The following MTERF4 variants were observed in gnomAD, a reference collection of about 807,000 sequenced individuals.
The protein encoded by MTERF4 is mitochondrial transcription termination factor 4.
In MTERF4, 17 loss-of-function variants were observed where a neutral mutation model predicts 22.5. The ratio of observed to expected loss-of-function variants is 0.75; its 90% confidence interval spans 0.52 to 1.13. The LOEUF is 1.13. MTERF4 is among the 50% of genes most tolerant of loss of function. The pLI is 0.00. For missense variants in MTERF4, 420 were observed against 466.8 expected, an observed-to-expected ratio of 0.90 and a Z score of 0.92; for synonymous variants, 165 against 175.3, an observed-to-expected ratio of 0.94 and a Z score of 0.47.
rs2064613495 is a variant in MTERF4 at position 241,099,669 on chromosome 2, TCC to T, written c.245_246del (p.Gly82AspfsTer28). ...TCCAAGGACCCTTGTACCACAGGAG[TCC>T]CCTGCTTCTCAAGGAGGCACTGAAC... ...NLVQCLLEKQGTPVVQGSLEL... is the reference protein window; with the variant it reads ...NLVQCLLEKQXTPVVQGSLEL... On this transcript the variant is annotated frameshift_variant, in exon 2 of 4. Transcript: ENST00000391980. LOFTEE classifies it high-confidence loss of function. 1.2e-6 allele frequency: 2 copies of T among 1,613,960 alleles called. No individual in the cohort carries two copies. The highest frequency in any genetic ancestry group is 3.3e-5 in the Admixed American group (2 of 59,996).
rs1559337337 is a variant in MTERF4, at chr2:241,096,364, C to A, written c.780G>T (p.Lys260Asn). The change falls in exon 4 of 4, where the codon AAG becomes AAT. Residue 260 changes from lysine to asparagine, a missense_variant. Physicochemically the swap from Lys to Asn is moderately conservative, Grantham distance 94 (BLOSUM62 0). Coordinates refer to ENST00000391980, the MANE Select transcript of MTERF4 (RefSeq NM_182501.4). This position sits in a 1 kb window ranked among gnomAD's most constrained non-coding sequence, Gnocchi z 5.1. ...CCAGGTAAATGTGTCTCTGCTTAAT[C>A]TTGGTTAGTGAATACTGCAAGTACT... ...KSEYLQYSLT[K>N]IKQRHIYLER... 1 of 1,614,186 alleles carries A rather than the reference C, an allele frequency of 6.2e-7. No individual in the cohort carries two copies. The highest frequency in any genetic ancestry group is 8.5e-7 in the Non-Finnish European group (1 of 1,180,046).
At chr2:241,062,735 C>G in the MTERF4 span, 1 of 1,190,964 alleles carries the variant, frequency 8.4e-7, no homozygotes, top group African/African-American at 1.5e-5. Context: ...TTATGTGCAT[C>G]TTAATTTGGC....
In MTERF4 at chr2:241,099,497, G is replaced by A. The variant is rs752739362; in HGVS notation, c.419C>T (p.Pro140Leu). Reference protein sequence around the residue: ...EFILLGLNPEPVCVVLKKSPQ... With the variant: ...EFILLGLNPELVCVVLKKSPQ... ...ACTTTTCTTCAAGACCACACACACA[G>A]GCTCTGGATTCAGACCCAAGAGAAT... The change falls in exon 2 of 4, where the codon CCT becomes CTT. Residue 140 changes from proline (P) to leucine (L), a missense_variant. Transcript: ENST00000391980. The A allele has an allele frequency of 1.2e-6, 2 of 1,614,180 alleles. No individual in the cohort carries two copies. Among genetic ancestry groups the A allele is most frequent in the South Asian group, 1.1e-5 (1 of 91,086 alleles).
chr2:241,070,070 A>G (rs1389795140), downstream of MTERF4: 7 of 1,612,934 alleles, frequency 4.3e-6, no homozygotes, highest in East Asian at 8.9e-5. Context: ...TATGTCCCCA[A>G]CGGGAAGCTG....
At chr2:241,048,540 G>A in the MTERF4 span, 7 of 1,493,816 alleles carry the variant, frequency 4.7e-6, no homozygotes, top group Non-Finnish European at 5.4e-6. Context: ...GAAAAGAAAC[G>A]TGTGAGTGCG....
chr2:241,053,018 G>A, the MTERF4 span: 1 of 807,590 alleles, frequency 1.2e-6, no homozygotes, highest in Admixed American at 2.7e-5. Context: ...AGAAGTCGAG[G>A]CACCTTTCCC....
At chr2:241,057,912 A>G in the MTERF4 span, among the ~76,000 whole-genome samples, 6 of 152,350 alleles carry the variant, frequency 3.9e-5, no homozygotes, top group African/African-American at 1.2e-4. Context: ...ACTTGTCACT[A>G]TCCAAAAGGA....
At chr2:241,055,194 G>A in the MTERF4 span, among the ~76,000 whole-genome samples, 1 of 152,102 alleles carries the variant, frequency 6.6e-6, no homozygotes, top group Non-Finnish European at 1.5e-5. Context: ...AGCCCAAGAA[G>A]AAGAGAAAAT....
At chr2:241,085,235 G>C (rs1010156086), downstream of MTERF4, among the ~76,000 whole-genome samples, 4 of 152,070 alleles carry the variant, frequency 2.6e-5, no homozygotes, top group Non-Finnish European at 5.9e-5. Flanking sequence ...TGGGACTCCA[G>C]TTATGCGTGT....
At chr2:241,068,960 G>T, downstream of MTERF4, 1 of 1,556,566 alleles carries the variant, frequency 6.4e-7, no homozygotes, top group South Asian at 1.2e-5. This position sits in a 1 kb window ranked among gnomAD's most constrained non-coding sequence, Gnocchi z 5.3. Flanking sequence ...CACCCTCAGT[G>T]GGCTCAGGGG....
the MTERF4 span, chr2:241,049,994 C>T: frequency 1.7e-6 from 2 of 1,209,832 alleles, no homozygotes; most frequent in Admixed American, 1.7e-5. Flanking sequence ...CGCGGTCCGC[C>T]GTCCTGCTTC....
At chr2:241,059,963 C>T in the MTERF4 span, among the ~76,000 whole-genome samples, 1 of 152,070 alleles carries the variant, frequency 6.6e-6, no homozygotes, top group Admixed American at 6.5e-5. Context: ...TTAGAGATCA[C>T]ATGATTGTAT....
At chr2:241,067,189 C>T (rs1432531178), downstream of MTERF4, among the ~76,000 whole-genome samples, 2 of 152,184 alleles carry the variant, frequency 1.3e-5, no homozygotes, top group Non-Finnish European at 2.9e-5. Context: ...GTCCACAGAC[C>T]GGGGTGCTGA....
chr2:241,072,994 A>T (rs958339037), exon 5 of MTERF4: 1 of 492,798 alleles, frequency 2.0e-6, no homozygotes, highest in East Asian at 3.1e-5. Context: ...GGGGCCTCTC[A>T]GCATGATCAG....
chr2:241,067,658 C>G, downstream of MTERF4: 1 of 891,790 alleles, frequency 1.1e-6, no homozygotes, highest in Non-Finnish European at 1.7e-6. Context: ...TCCAGTGCCT[C>G]TCTGTGGCCC....
chr2:241,063,731 C>T, the MTERF4 span: 2 of 1,429,770 alleles, frequency 1.4e-6, no homozygotes, highest in African/African-American at 2.8e-5. Context: ...GCCCCACATG[C>T]AGAGCCTGGG....
chr2:241,094,128 C>G, downstream of MTERF4: 2 of 360,280 alleles, frequency 5.6e-6, no homozygotes, highest in South Asian at 4.3e-5. The surrounding 1 kb of genome is among the most constrained non-coding windows in gnomAD (Gnocchi z 4.3). Context: ...AACAGTTTTG[C>G]CTATGGCCAA....
chr2:241,070,063 G>C (rs1291548637), downstream of MTERF4: 1 of 1,613,114 alleles, frequency 6.2e-7, no homozygotes, highest in East Asian at 2.2e-5. Flanking sequence ...GAGCCGCTAT[G>C]TCCCCAACGG....
At chr2:241,071,395 G>C, downstream of MTERF4, 1 of 670,402 alleles carries the variant, frequency 1.5e-6, no homozygotes, top group Middle Eastern at 4.1e-4. Context: ...GGGTGGGCTG[G>C]AAGGGAACCC....
Sources: gnomAD v4.1 joint callset for allele counts (sites outside exome capture counted in the v4.1 genomes callset) on GRCh38, gnomAD v4.1.1 for gene constraint, Gnocchi (gnomAD v3.1) non-coding constraint, MANE v1.5 for transcripts, NCBI Gene and HGNC (gene_info 2026-07-23, HGNC 2026-07-21) for gene names.